CALN1: variants seen among roughly 807,000 people sequenced by gnomAD.
CALN1 encodes the protein calcium-binding protein 8.
Under a neutral mutation model 30.6 loss-of-function variants are expected in CALN1, and 17 were observed. The ratio of observed to expected loss-of-function variants is 0.56; its 90% CI spans 0.38 to 0.83. CALN1 has a LOEUF of 0.83. CALN1 is among the 40% of genes least tolerant of loss of function. CALN1 has a pLI of 0.00. For missense variants in CALN1, 291 were observed against 354.9 expected (o/e 0.82, Z 1.45); for synonymous variants, 156 against 131.4 (o/e 1.19, Z -1.28).
intron 6 of CALN1, among the ~76,000 whole-genome samples, chr7:71,805,413 G>A (rs1193612408): frequency 6.6e-6 from 1 of 152,146 alleles, no homozygotes; most frequent in African/African-American, 2.4e-5. Flanking sequence ...GGGTTGCGAG[G>A]AGGATTCAGT....
chr7:72,014,316 A>C (rs912874358), intron 5 of CALN1, among the ~76,000 whole-genome samples: 3 of 152,008 alleles, frequency 2.0e-5, no homozygotes, highest in Non-Finnish European at 4.4e-5. Context: ...CAAACTCCTG[A>C]CCTCAGGTGA....
rs150894007 is a variant in CALN1, at chr7:72,318,213, G to A, written c.120-39403C>T. ...AACATCTGTTCAGATATTCTTAAAG[G>A]GTCCCATTAAGAAACACCTTGATTT... On this transcript the variant is annotated intron_variant, in intron 2 of 6. Transcript: ENST00000395275. Among the ~76,000 whole-genome samples, 169 of 152,166 alleles carry A rather than the reference G, an allele frequency of 1.1e-3. 1 individual carries two copies. The East Asian group carries it at 0.029, about 26-fold the overall frequency.
At chr7:72,343,440 CG>C (rs1562907605) in intron 2 of CALN1, among the ~76,000 whole-genome samples, 1 of 151,780 alleles carries the variant, frequency 6.6e-6, no homozygotes, top group Non-Finnish European at 1.5e-5. Context: ...CCCAGCTACT[CG>C]GAAGACTGAG....
chr7:71,836,623 T>TC (rs1361290784), intron 5 of CALN1, among the ~76,000 whole-genome samples: 1 of 47,266 alleles, frequency 2.1e-5, no homozygotes. Context: ...TCTCTGTCTC[T>TC]TTTTTTTTTT....
chr7:72,045,173 G>A (rs546854511), intron 4 of CALN1, among the ~76,000 whole-genome samples: 12 of 152,288 alleles, frequency 7.9e-5, no homozygotes, highest in East Asian at 3.9e-4. Flanking sequence ...CCAGTGAAGC[G>A]GATGGAGAAA....
At chr7:72,381,134 C>G (rs1804876119) in intron 2 of CALN1, among the ~76,000 whole-genome samples, 1 of 152,130 alleles carries the variant, frequency 6.6e-6, no homozygotes. Context: ...ACGGAAAGCA[C>G]AAAGACATAA....
chr7:72,043,406 A>G (rs1326553205), intron 4 of CALN1, among the ~76,000 whole-genome samples: 1 of 152,194 alleles, frequency 6.6e-6, no homozygotes, highest in African/African-American at 2.4e-5. Context: ...GCAGAACAAT[A>G]AAAATAGAAA....
intron 3 of CALN1, among the ~76,000 whole-genome samples, chr7:72,139,501 AGCCATGCCCACCCTCTTCTAAGCACCTTG>A (rs1809741020): frequency 7.4e-6 from 1 of 135,366 alleles, no homozygotes; most frequent in Non-Finnish European, 1.6e-5. Context: ...TACCCACCTC[AGCCATGCCCACCCTCTTCTAAGCACCTTG>A]GCCATGTCCA....
intron 2 of CALN1, among the ~76,000 whole-genome samples, chr7:72,362,228 G>A (rs1803615302): frequency 1.3e-5 from 2 of 152,184 alleles, no homozygotes; most frequent in Non-Finnish European, 2.9e-5. Flanking sequence ...GCTAACTGTG[G>A]AAGCATTATG....
chr7:72,088,132 C>T (rs1028320443), intron 4 of CALN1, among the ~76,000 whole-genome samples: 1 of 152,098 alleles, frequency 6.6e-6, no homozygotes, highest in Non-Finnish European at 1.5e-5. Context: ...TGCACCACTG[C>T]GCTCCAGCCT....
intron 5 of CALN1, among the ~76,000 whole-genome samples, chr7:71,896,662 T>G (rs1793548468): frequency 3.3e-5 from 5 of 152,128 alleles, no homozygotes; most frequent in Admixed American, 3.3e-4. Flanking sequence ...GACCAGGCTT[T>G]GAGAAACTCT....
At chr7:72,132,102 C>T (rs185346030) in intron 3 of CALN1, among the ~76,000 whole-genome samples, 153 of 152,252 alleles carry the variant, frequency 1.0e-3, no homozygotes, top group African/African-American at 3.5e-3. Context: ...ACATATTGAT[C>T]AATATCGCTC....
At position 71,962,714 on chromosome 7, in the gene CALN1, C is replaced by T. The variant is rs79865095; in HGVS notation, c.501+60943G>A. On this transcript the variant is annotated intron_variant, in intron 5 of 6. Transcript: ENST00000395275. ...CCGTGAGGAGAAGATTTCTCTTCCA[C>T]ATCTTTTCTACAAATTGCTGAAAGC... 4.6e-5 allele frequency among the ~76,000 whole-genome samples: 7 copies of T among 152,312 alleles called. No homozygotes were observed. The East Asian group carries it at 1.2e-3, about 25-fold the overall frequency.
intron 2 of CALN1, among the ~76,000 whole-genome samples, chr7:72,308,275 G>C (rs1030935739): frequency 2.7e-5 from 4 of 149,332 alleles, no homozygotes; most frequent in Non-Finnish European, 5.9e-5. Context: ...AAGGCACAAA[G>C]ATCATTTGAA....
intron 5 of CALN1, among the ~76,000 whole-genome samples, chr7:71,903,333 T>C (rs1045026692): frequency 2.6e-5 from 4 of 152,224 alleles, no homozygotes; most frequent in East Asian, 1.9e-4. Flanking sequence ...CAAAGCAGTA[T>C]GTTATTGGCA....
intron 5 of CALN1, among the ~76,000 whole-genome samples, chr7:71,816,812 A>G (rs1028024971): frequency 6.6e-6 from 1 of 152,096 alleles, no homozygotes; most frequent in African/African-American, 2.4e-5. Context: ...TACTAAAAAT[A>G]CAAAAATTAG....
At chr7:72,412,349 T>G (rs1406433061), upstream of CALN1, 2 of 152,164 alleles carry the variant, frequency 1.3e-5, no homozygotes, top group South Asian at 2.1e-4. Flanking sequence ...CCCAGCGGGC[T>G]CGGGGAGCCA....
chr7:71,948,440 G>C (rs1302365078), intron 5 of CALN1, among the ~76,000 whole-genome samples: 2 of 151,930 alleles, frequency 1.3e-5, no homozygotes, highest in African/African-American at 2.4e-5. Context: ...ATTAGAATTT[G>C]GTTTCAGGCC....
At chr7:71,981,004 C>A (rs371454345) in intron 5 of CALN1, among the ~76,000 whole-genome samples, 2 of 152,182 alleles carry the variant, frequency 1.3e-5, no homozygotes, top group East Asian at 3.9e-4. Flanking sequence ...AGCAGAAAAA[C>A]CACACACCAG....
Sources: allele counts gnomAD v4.1 joint callset (sites outside exome capture counted in the v4.1 genomes callset), GRCh38; gene constraint gnomAD v4.1.1; transcripts MANE v1.5; gene names NCBI Gene and HGNC (gene_info 2026-07-23, HGNC 2026-07-21).